Variants in MET observed in about 807,000 individuals in gnomAD.
MET encodes the protein hepatocyte growth factor receptor.
In MET, 48 loss-of-function variants were observed where a neutral mutation model predicts 133.1. The observed-to-expected ratio is 0.36, with a 90% confidence interval of 0.29 to 0.46. The LOEUF (loss-of-function observed/expected upper bound fraction) is 0.46. Among genes scored for constraint, MET ranks in the 20% least tolerant of loss-of-function variants. The pLI is 1.00. For missense variants in MET, 1,442 were observed against 1,695.9 expected (o/e 0.85, Z 2.63); for synonymous variants, 628 against 616.5 (o/e 1.02, Z -0.28).
intron 5 of MET, among the ~76,000 whole-genome samples, chr7:116,754,115 A>G (rs896056683): frequency 3.3e-5 from 5 of 152,136 alleles, no homozygotes; most frequent in Non-Finnish European, 2.9e-5. Flanking sequence ...AGACTGGGCA[A>G]GAGTGAGACC....
Position 116,796,016 on chromosome 7 carries a change from T to C in MET, c.4065T>C (p.Thr1355=), listed in dbSNP as rs1370855258. Residue 1355 remains threonine, a synonymous_variant, in exon 21 of 21, where the codon ACT becomes ACC. Coordinates refer to ENST00000397752, the MANE Select transcript of MET (RefSeq NM_000245.4). ...AGCACTATGTCCATGTGAACGCTAC[T>C]TATGTGAACGTAAAATGTGTCGCTC... ...IGEHYVHVNA[T]YVNVKCVAPY... 1 of 1,614,034 alleles carries C rather than the reference T, an allele frequency of 6.2e-7. No homozygotes were observed. The highest frequency in any genetic ancestry group is 1.7e-5 in the Admixed American group (1 of 60,022).
intron 17 of MET, among the ~76,000 whole-genome samples, chr7:116,780,022 AT>A (rs1795108480): frequency 6.6e-6 from 1 of 152,198 alleles, no homozygotes; most frequent in Non-Finnish European, 1.5e-5. Flanking sequence ...TGAGGGTAGG[AT>A]TTTTGTGTAT....
rs2116920387 is a variant in MET, at chr7:116,757,484, C to A, written c.1910C>A (p.Ser637Tyr). The A allele has an allele frequency of 6.2e-7, 1 of 1,613,714 alleles. No individual in the cohort carries two copies. The highest frequency in any genetic ancestry group is 2.2e-5 in the East Asian group (1 of 44,842). ...GCCATGAATAAGCATTTCAATATGT[C>A]CATAATTATTTCAAATGGCCACGGG... is the stretch of plus-strand genomic sequence containing the variant. ...GPAMNKHFNM[S>Y]IIISNGHGTT... Residue 637 changes from serine (S) to tyrosine (Y), a missense_variant, in exon 7 of 21, where the codon TCC becomes TAC. Around this residue, in one of 6 missense-constraint regions of MET, gnomAD observed 762 missense variants for 792.4 expected, o/e 0.96. Coordinates refer to ENST00000397752, the MANE Select transcript of MET (RefSeq NM_000245.4).
intron 13 of MET, 59 bp from the exon 14 acceptor site, chr7:116,771,790 G>C (rs1562930219): frequency 1.9e-6 from 3 of 1,612,236 alleles, no homozygotes. Flanking sequence ...CTGGGTCAAA[G>C]TCTCCTGGGG....
chr7:116,751,798 A>G (rs1239162925), intron 5 of MET, among the ~76,000 whole-genome samples: 2 of 152,170 alleles, frequency 1.3e-5, no homozygotes, highest in South Asian at 2.1e-4. Flanking sequence ...GTGGTGGCTC[A>G]TGTCTGTAAT....
chr7:116,756,233 A>T (rs1349731282), intron 6 of MET, among the ~76,000 whole-genome samples: 1 of 152,218 alleles, frequency 6.6e-6, no homozygotes, highest in Non-Finnish European at 1.5e-5. Context: ...TTCTACATGT[A>T]CCCTTCTACA....
chr7:116,783,573 A>G (rs2117068571), intron 19 of MET, 104 bp downstream of exon 19: 1 of 1,171,394 alleles, frequency 8.5e-7, no homozygotes, highest in Non-Finnish European at 1.2e-6. Flanking sequence ...CAACACCACC[A>G]ATTCCAGTTT....
chr7:116,761,428 A>T (rs1432720848), intron 10 of MET, among the ~76,000 whole-genome samples: 1 of 152,132 alleles, frequency 6.6e-6, no homozygotes, highest in Non-Finnish European at 1.5e-5. Context: ...GTTCCTTGCC[A>T]CTTATAGAAT....
intron 2 of MET, among the ~76,000 whole-genome samples, chr7:116,702,176 A>C (rs1021044350): frequency 6.6e-6 from 1 of 152,176 alleles, no homozygotes; most frequent in Non-Finnish European, 1.5e-5. Flanking sequence ...CCCAAAATGC[A>C]CTAGCCACAC....
In MET at chr7:116,731,815, C is replaced by T. The variant is rs1793018571; in HGVS notation, c.1348C>T (p.Leu450Phe). 3 of 1,614,106 alleles carry T rather than the reference C, an allele frequency of 1.9e-6. No individual in the cohort carries two copies. Among genetic ancestry groups the T allele is most frequent in the Non-Finnish European group, 2.5e-6 (3 of 1,179,974 alleles). The change falls in exon 3 of 21, where the codon CTC (leucine) becomes TTC (phenylalanine). Residue 450 changes from leucine (L) to phenylalanine (F), a missense_variant. This residue lies in a region of MET where 762 missense variants were observed against 792.4 expected (regional missense o/e 0.96). Transcript: ENST00000397752. ...TSISTFIKGDLTIANLGTSEG... is the reference protein window; with the variant it reads ...TSISTFIKGDFTIANLGTSEG... ...TATATCCACCTTCATTAAAGGAGAC[C>T]TCACCATAGCTAATCTTGGGACATC... is the stretch of plus-strand genomic sequence containing the variant.
At chr7:116,776,571 G>A (rs1399610063) in intron 15 of MET, among the ~76,000 whole-genome samples, 1 of 152,160 alleles carries the variant, frequency 6.6e-6, no homozygotes, top group Non-Finnish European at 1.5e-5. Context: ...CAGGAGAATA[G>A]GAGCACTCAA....
chr7:116,697,352 C>T (rs1797000266), intron 1 of MET, among the ~76,000 whole-genome samples: 1 of 152,124 alleles, frequency 6.6e-6, no homozygotes, highest in African/African-American at 2.4e-5. Context: ...TAAAAATAGC[C>T]TGTCAACTGG....
At chr7:116,762,570 A>C (rs1794439860) in intron 10 of MET, among the ~76,000 whole-genome samples, 1 of 152,220 alleles carries the variant, frequency 6.6e-6, no homozygotes, top group South Asian at 2.1e-4. Flanking sequence ...TGTGGTATCC[A>C]ACATGGTAAA....
rs563279428 is a variant in MET, at chr7:116,691,458, C to T, written c.-14-7613C>T. ...AAACTCAAGTTTGTAGTATTGTCTACTGGACATTGTTAGCTCAGGACCTTT... is the reference window on the plus strand; with the variant it reads ...AAACTCAAGTTTGTAGTATTGTCTATTGGACATTGTTAGCTCAGGACCTTT... On this transcript the variant is annotated intron_variant, in intron 1 of 20. Transcript: ENST00000397752. 4.1e-4 allele frequency among the ~76,000 whole-genome samples: 62 copies of T among 152,240 alleles called. 1 individual carries two copies. Among genetic ancestry groups the T allele is most frequent in the Middle Eastern group, 3.4e-3 (1 of 294 alleles).
chr7:116,681,803 A>T (rs1050248741), intron 1 of MET, among the ~76,000 whole-genome samples: 1 of 152,230 alleles, frequency 6.6e-6, no homozygotes, highest in Admixed American at 6.5e-5. Context: ...GCAAGCCAAT[A>T]TGATCACTTA....
chr7:116,738,053 T>C (rs1486006809), intron 3 of MET, among the ~76,000 whole-genome samples: 1 of 152,218 alleles, frequency 6.6e-6, no homozygotes, highest in East Asian at 1.9e-4. Flanking sequence ...TGATGAATAA[T>C]CTTCAGTGAA....
chr7:116,681,642 A>G (rs1184821629), intron 1 of MET, among the ~76,000 whole-genome samples: 2 of 152,140 alleles, frequency 1.3e-5, no homozygotes, highest in Non-Finnish European at 2.9e-5. Flanking sequence ...TGCCTTCACT[A>G]CTTGTCTTTT....
At chr7:116,697,291 TC>T in intron 1 of MET, among the ~76,000 whole-genome samples, 1 of 152,300 alleles carries the variant, frequency 6.6e-6, no homozygotes, top group Non-Finnish European at 1.5e-5. Context: ...ATTCCTTCTA[TC>T]CTTGGTGCTA....
chr7:116,759,537 C>G (rs2116939947), intron 10 of MET, 47 bp downstream of exon 10: 2 of 1,591,872 alleles, frequency 1.3e-6, no homozygotes, highest in South Asian at 2.3e-5. Context: ...GCATCTTTGC[C>G]TCTAACCATG....
Sources: gnomAD v4.1 joint callset for allele counts (sites outside exome capture counted in the v4.1 genomes callset) on GRCh38, gnomAD v4.1.1 for gene constraint, gnomAD v4.1.1 regional missense constraint, MANE v1.5 for transcripts, NCBI Gene and HGNC (gene_info 2026-07-23, HGNC 2026-07-21) for gene names.